Variants in PLPPR1 observed in about 807,000 individuals in gnomAD.
PLPPR1 encodes the protein phospholipid phosphatase related 1, also known as phospholipid phosphatase-related protein type 1.
A neutral mutation model predicts 33.1 loss-of-function variants in PLPPR1; 10 were observed. The ratio of observed to expected loss-of-function variants is 0.30; its 90% CI spans 0.19 to 0.51. The LOEUF (loss-of-function observed/expected upper bound fraction) is 0.51, where lower values mean the gene tolerates loss of function less well. PLPPR1 is among the 20% of genes least tolerant of loss of function. The pLI, the probability that PLPPR1 is intolerant of heterozygous loss-of-function variation, is 0.97. For synonymous variants in PLPPR1, 151 were observed against 151.0 expected, an observed-to-expected ratio of 1.00 and a Z score of 0.00; for missense variants, 304 against 408.1, an observed-to-expected ratio of 0.74 and a Z score of 2.20.
chr9:101,216,458 T>C (rs1826797212), intron 2 of PLPPR1, among the ~76,000 whole-genome samples: 1 of 152,196 alleles, frequency 6.6e-6, no homozygotes. Context: ...AGTTTGTAAA[T>C]ATTTTCTCCC....
Position 101,317,482 on chromosome 9 carries a change from A to G in PLPPR1, c.931A>G (p.Thr311Ala). 6.2e-7 allele frequency: 1 copy of G among 1,613,782 alleles called. No individual in the cohort carries two copies. Among genetic ancestry groups the G allele is most frequent in the South Asian group, 1.1e-5 (1 of 91,020 alleles). ...CCCAAGGATAGAAAGCCCTCTGGAA[A>G]CCTTAAGTGCACAGGTATGGTAAAG... Reference protein sequence around the residue: ...AFPRIESPLETLSAQNHSASM... With the variant: ...AFPRIESPLEALSAQNHSASM... The change falls in exon 7 of 8, where the codon ACC (threonine) becomes GCC (alanine). Residue 311 changes from threonine (T) to alanine (A), a missense_variant. By Grantham distance (58) the Thr-to-Ala change is moderately conservative. Transcript: ENST00000374874.
At chr9:101,186,657 C>A (rs1178184385) in intron 2 of PLPPR1, among the ~76,000 whole-genome samples, 2 of 151,776 alleles carry the variant, frequency 1.3e-5, no homozygotes, top group Admixed American at 6.6e-5. Context: ...ACTTTACCTG[C>A]CTATATAGTC....
intron 1 of PLPPR1, among the ~76,000 whole-genome samples, chr9:101,118,770 A>G (rs914650541): frequency 1.1e-4 from 16 of 152,160 alleles, no homozygotes; most frequent in African/African-American, 3.9e-4. Context: ...TCATTCCCAC[A>G]CAGCTTGGCT....
At chr9:101,116,451 A>C (rs757738953) in intron 1 of PLPPR1, among the ~76,000 whole-genome samples, 1 of 152,200 alleles carries the variant, frequency 6.6e-6, no homozygotes, top group Non-Finnish European at 1.5e-5. Context: ...AAGCCTTCTT[A>C]TTTAGTTTAC....
At chr9:101,119,550 T>C (rs929244149) in intron 1 of PLPPR1, among the ~76,000 whole-genome samples, 2 of 152,180 alleles carry the variant, frequency 1.3e-5, no homozygotes, top group East Asian at 1.9e-4. Flanking sequence ...AATAGATTCT[T>C]CGGAGAAAGA....
At position 101,304,862 on chromosome 9, in the gene PLPPR1, C is replaced by T. The variant is rs531846914; in HGVS notation, c.386-4349C>T. ...TAGAGCGTGCACAAAGCTGCTATAG[C>T]CAGCAGCAGCCACGCTCTCCAGAAC... On this transcript the variant is annotated intron_variant, in intron 4 of 7. Transcript: ENST00000374874. Among the ~76,000 whole-genome samples, 4 of 152,296 alleles carry T rather than the reference C, an allele frequency of 2.6e-5. No individual in the cohort carries two copies. In the East Asian group the frequency reaches 7.7e-4, roughly 29 times the overall value.
chr9:101,180,091 CCTTTATAT>C (rs1305494814), intron 1 of PLPPR1, among the ~76,000 whole-genome samples: 20 of 93,882 alleles, frequency 2.1e-4, no homozygotes, highest in South Asian at 4.3e-4. Context: ...AATAAACTCT[CCTTTATAT>C]ATATATATAT....
chr9:101,031,420 T>C (rs1468506337), intron 1 of PLPPR1, among the ~76,000 whole-genome samples: 1 of 152,176 alleles, frequency 6.6e-6, no homozygotes, highest in African/African-American at 2.4e-5. Flanking sequence ...TAGTTGTAAA[T>C]ACAAGATGAA....
chr9:101,110,338 C>T (rs1218618509), intron 1 of PLPPR1, among the ~76,000 whole-genome samples: 1 of 152,124 alleles, frequency 6.6e-6, no homozygotes, highest in Non-Finnish European at 1.5e-5. Flanking sequence ...TTGCATAATA[C>T]TCAGTGTTGC....
At chr9:101,181,766 A>G (rs1826117961) in intron 1 of PLPPR1, among the ~76,000 whole-genome samples, 2 of 148,620 alleles carry the variant, frequency 1.3e-5, no homozygotes, top group Non-Finnish European at 1.5e-5. Flanking sequence ...ACACACATAC[A>G]TATATACACA....
At chr9:101,226,366 A>C (rs1393569899) in intron 2 of PLPPR1, among the ~76,000 whole-genome samples, 3 of 152,202 alleles carry the variant, frequency 2.0e-5, no homozygotes, top group African/African-American at 7.2e-5. Context: ...CAGGGAAAAC[A>C]GCTGAAGCTA....
chr9:101,321,847 G>C (rs1275648594), intron 7 of PLPPR1, among the ~76,000 whole-genome samples: 1 of 147,686 alleles, frequency 6.8e-6, no homozygotes, highest in Non-Finnish European at 1.5e-5. Flanking sequence ...ATTTAATTTT[G>C]ATTGGTGACC....
intron 7 of PLPPR1, among the ~76,000 whole-genome samples, chr9:101,319,960 T>C (rs1477687805): frequency 6.6e-6 from 1 of 152,208 alleles, no homozygotes; most frequent in Non-Finnish European, 1.5e-5. Flanking sequence ...GCATGACATC[T>C]GTCTAATGTC....
intron 1 of PLPPR1, among the ~76,000 whole-genome samples, chr9:101,176,411 C>G (rs1209773373): frequency 6.6e-6 from 1 of 152,152 alleles, no homozygotes; most frequent in Non-Finnish European, 1.5e-5. Context: ...ATTCCTACTC[C>G]AACAGGCAGT....
At chr9:101,137,293 G>A (rs949514632) in intron 1 of PLPPR1, among the ~76,000 whole-genome samples, 3 of 152,194 alleles carry the variant, frequency 2.0e-5, no homozygotes, top group Non-Finnish European at 4.4e-5. Flanking sequence ...CAACTGTTCA[G>A]GGAGAGGCAC....
At chr9:101,093,233 C>G (rs1399790773) in intron 1 of PLPPR1, among the ~76,000 whole-genome samples, 2 of 152,148 alleles carry the variant, frequency 1.3e-5, no homozygotes, top group Non-Finnish European at 2.9e-5. Context: ...GAGCCAAATA[C>G]AGAAACCTGG....
intron 1 of PLPPR1, among the ~76,000 whole-genome samples, chr9:101,049,528 A>G (rs527240651): frequency 1.8e-4 from 27 of 152,190 alleles, no homozygotes; most frequent in Non-Finnish European, 2.6e-4. Flanking sequence ...AGTATTTTAC[A>G]TATATTGCTT....
At chr9:101,173,044 G>T (rs1346696193) in intron 1 of PLPPR1, among the ~76,000 whole-genome samples, 1 of 152,000 alleles carries the variant, frequency 6.6e-6, no homozygotes, top group Non-Finnish European at 1.5e-5. Context: ...ATTGTCTTCA[G>T]TGCTCACTTT....
At chr9:101,297,338 C>T (rs990316402) in intron 4 of PLPPR1, among the ~76,000 whole-genome samples, 9 of 152,160 alleles carry the variant, frequency 5.9e-5, no homozygotes, top group Admixed American at 4.6e-4. Flanking sequence ...ATTCTTTTGT[C>T]TCCTCTCGTC....
Sources: gnomAD v4.1 joint callset for allele counts (sites outside exome capture counted in the v4.1 genomes callset) on GRCh38, gnomAD v4.1.1 for gene constraint, MANE v1.5 for transcripts, NCBI Gene and HGNC (gene_info 2026-07-23, HGNC 2026-07-21) for gene names.